Variants in ASB13 observed in about 807,000 individuals in gnomAD.
ASB13 encodes the protein ankyrin repeat and SOCS box containing 13.
ASB13 carries 33 observed loss-of-function variants against 28.8 expected under a neutral mutation model. That is an observed-to-expected ratio of 1.15 (90% CI 0.87 to 1.53). The LOEUF is 1.53. Ranked by LOEUF, ASB13 falls within the 40% of genes most tolerant of loss-of-function variation. The probability of loss-of-function intolerance (pLI) is 0.00; values close to 1 mark genes in which losing one functional copy is unlikely to be tolerated. For missense variants in ASB13, 414 were observed against 390.1 expected (o/e 1.06, Z -0.52); for synonymous variants, 182 against 172.9 (o/e 1.05, Z -0.41).
At chr10:5,657,210 G>A (rs1009354663) in intron 1 of ASB13, among the ~76,000 whole-genome samples, 3 of 152,090 alleles carry the variant, frequency 2.0e-5, no homozygotes, top group Admixed American at 6.6e-5. Context: ...AGAAACTTCC[G>A]TGCATCAAAG....
At position 5,641,978 on chromosome 10, in the gene ASB13, C is replaced by T; in HGVS notation, c.518-17G>A. On this transcript the variant is annotated splice_polypyrimidine_tract_variant and intron_variant, in intron 4 of 5. Transcript: ENST00000357700. The surrounding 1 kb of genome is among the most constrained non-coding windows in gnomAD (Gnocchi z 8.4). ...CGTTGGCCCCTGGAGGTCAAGAGTG[C>T]AGAAGAGATTTCACCAAGAAGAGAA... 6.3e-7 allele frequency: 1 copy of T among 1,590,478 alleles called. No homozygotes were observed. Among genetic ancestry groups the T allele is most frequent in the Non-Finnish European group, 8.6e-7 (1 of 1,160,424 alleles).
At chr10:5,653,176 A>G in intron 1 of ASB13, 126 bp from the exon 2 acceptor site, 1 of 1,044,694 alleles carries the variant, frequency 9.6e-7, no homozygotes, top group South Asian at 1.8e-5. Flanking sequence ...TTGTCCCAGC[A>G]CTTCTACAAA....
rs1322671777 is a variant in ASB13, at chr10:5,655,036, A to T, written c.44-1986T>A. ...AGAATCACTTGAACCCGGGAGGCGG[A>T]GGTTGCAGCGAGCCCAGATCACGCC... is the stretch of plus-strand genomic sequence containing the variant. On this transcript the variant is annotated intron_variant, in intron 1 of 5. Transcript: ENST00000357700. This position sits in a 1 kb window ranked among gnomAD's most constrained non-coding sequence, Gnocchi z 6.2. 6.6e-6 allele frequency among the ~76,000 whole-genome samples: 1 copy of T among 151,890 alleles called. No homozygotes were observed. Among genetic ancestry groups the T allele is most frequent in the Non-Finnish European group, 1.5e-5 (1 of 68,000 alleles).
Position 5,651,338 on chromosome 10 carries a change from C to T in ASB13, c.257G>A (p.Ser86Asn), listed in dbSNP as rs755307916. 3.1e-6 allele frequency: 5 copies of T among 1,611,570 alleles called. No individual in the cohort carries two copies. In the South Asian group the frequency reaches 5.5e-5, roughly 18 times the overall value. The stretch of plus-strand genomic sequence containing the variant: ...GGCGCAGGCATCGCAGAGCGGGGTG[C>T]TGCCGTCGATGTTGCGAGCATCCAC... Reference protein sequence around the residue: ...AQVDARNIDGSTPLCDACASG... With the variant: ...AQVDARNIDGNTPLCDACASG... The change falls in exon 3 of 6, where the codon AGC (serine) becomes AAC (asparagine). Residue 86 changes from serine to asparagine, a missense_variant. Ser to Asn is a conservative substitution (Grantham distance 46). Coordinates refer to ENST00000357700, the MANE Select transcript of ASB13 (RefSeq NM_024701.4). The surrounding 1 kb of genome is among the most constrained non-coding windows in gnomAD (Gnocchi z 5.1).
At position 5,650,798 on chromosome 10, in the gene ASB13, C is replaced by A. The variant is rs909774098; in HGVS notation, c.382+415G>T. Among the ~76,000 whole-genome samples the A allele has an allele frequency of 1.9e-4, 29 of 152,212 alleles. No individual in the cohort carries two copies. The highest frequency in any genetic ancestry group is 6.8e-4 in the African/African-American group (28 of 41,456). Reference sequence around the variant, plus strand: ...CTGCTCCCTGAGCCTGCAGGACCAGCACTGTTTTGAGAGCACCACGCACAG... The same window carrying A: ...CTGCTCCCTGAGCCTGCAGGACCAGAACTGTTTTGAGAGCACCACGCACAG... On this transcript the variant is annotated intron_variant, in intron 3 of 5. Transcript: ENST00000357700. This position sits in a 1 kb window ranked among gnomAD's most constrained non-coding sequence, Gnocchi z 6.0.
Position 5,652,750 on chromosome 10 carries a change from A to G in ASB13, c.231+113T>C. 9.1e-7 allele frequency: 1 copy of G among 1,103,512 alleles called. No individual in the cohort carries two copies. The highest frequency in any genetic ancestry group is 1.2e-6 in the Non-Finnish European group (1 of 814,126). The allele number at this position is 1,103,512 out of a possible 1,614,324, so 68.4% of individuals were successfully genotyped here. On this transcript the variant is annotated intron_variant, in intron 2 of 5. Coordinates refer to ENST00000357700, the MANE Select transcript of ASB13 (RefSeq NM_024701.4). This position sits in a 1 kb window ranked among gnomAD's most constrained non-coding sequence, Gnocchi z 5.0. ...CATGGGCTTCCTGGTACCTGTGTGC[A>G]GTGGACACAGTGCAGCCCCCATCCT...
intron 1 of ASB13, among the ~76,000 whole-genome samples, chr10:5,654,145 C>CTT (rs145949502): frequency 0.014 from 1,834 of 128,746 alleles, 62 homozygotes; most frequent in African/African-American, 0.04. Flanking sequence ...TTCTTTTTTT[C>CTT]TTTTTTTTTT....
rs1835117533 is a variant in ASB13, at chr10:5,659,146, C to T, written c.44-6096G>A. 6.6e-6 allele frequency among the ~76,000 whole-genome samples: 1 copy of T among 152,206 alleles called. No individual in the cohort carries two copies. The highest frequency in any genetic ancestry group is 1.5e-5 in the Non-Finnish European group (1 of 68,018). On this transcript the variant is annotated intron_variant, in intron 1 of 5. Transcript: ENST00000357700. The surrounding 1 kb of genome is among the most constrained non-coding windows in gnomAD (Gnocchi z 5.8). ...ATGGATTGCAGGCTGCTTCCAGCCC[C>T]TGTGCCAGGCTCCCTGTGGTGGCAA...
rs915115413 is a variant in ASB13, at chr10:5,656,200, G to T, written c.44-3150C>A. 1.3e-5 allele frequency among the ~76,000 whole-genome samples: 2 copies of T among 152,198 alleles called. No homozygotes were observed. The highest frequency in any genetic ancestry group is 4.8e-5 in the African/African-American group (2 of 41,446). On this transcript the variant is annotated intron_variant, in intron 1 of 5. Transcript: ENST00000357700. The surrounding 1 kb of genome is among the most constrained non-coding windows in gnomAD (Gnocchi z 4.3). Reference sequence around the variant, plus strand: ...ATGCTGGTATCCACGTGGTTGCTCAGTGAGTGAGTGGATGAGTAAATGAAT... The same window carrying T: ...ATGCTGGTATCCACGTGGTTGCTCATTGAGTGAGTGGATGAGTAAATGAAT...
Position 5,642,368 on chromosome 10 carries a change from C to G in ASB13, c.518-407G>C, listed in dbSNP as rs528151198. The G allele has an allele frequency of 7.0e-6, 4 of 572,342 alleles. No individual in the cohort carries two copies. The South Asian group carries it at 1.1e-4, about 16-fold the overall frequency. The allele number at this position is 572,342 out of a possible 1,614,324, so 35.5% of individuals were successfully genotyped here. A position where few individuals can be genotyped will look rare whatever the true frequency, so the allele number is the denominator to read the frequency against. ...CAGCACAGACACACACTGCTTCTTC[C>G]TCTTGCGGGCCCAGGACGGAGGCTC... On this transcript the variant is annotated intron_variant, in intron 4 of 5. Coordinates refer to ENST00000357700, the MANE Select transcript of ASB13 (RefSeq NM_024701.4). The surrounding 1 kb of genome is among the most constrained non-coding windows in gnomAD (Gnocchi z 4.1).
chr10:5,646,611 T>A (rs4747877), intron 4 of ASB13, among the ~76,000 whole-genome samples: 46,182 of 151,852 alleles, frequency 0.3, 7,708 homozygotes, highest in Middle Eastern at 0.48. Context: ...CCGCCCCTAA[T>A]CCTGCTCTGC....
Position 5,642,580 on chromosome 10 carries a change from A to AAAT in ASB13, c.518-620_518-619insATT. On this transcript the variant is annotated intron_variant, in intron 4 of 5. Coordinates refer to ENST00000357700, the MANE Select transcript of ASB13 (RefSeq NM_024701.4). This position sits in a 1 kb window ranked among gnomAD's most constrained non-coding sequence, Gnocchi z 4.1. ...TGATTAAAAGTAAAGGTAAAAAAAA[A>AAAT]TTTTTTTTTAAAAAAAAGAGCAGAC... 3 of 1,175,446 alleles carry AAAT rather than the reference A, an allele frequency of 2.6e-6. No homozygotes were observed. The highest frequency in any genetic ancestry group is 1.4e-5 in the South Asian group (1 of 70,356). The allele number at this position is 1,175,446 out of a possible 1,614,324, so 72.8% of individuals were successfully genotyped here.
At position 5,659,550 on chromosome 10, in the gene ASB13, C is replaced by T. The variant is rs1012814298; in HGVS notation, c.44-6500G>A. On this transcript the variant is annotated intron_variant, in intron 1 of 5. Coordinates refer to ENST00000357700, the MANE Select transcript of ASB13 (RefSeq NM_024701.4). This position sits in a 1 kb window ranked among gnomAD's most constrained non-coding sequence, Gnocchi z 5.8. ...CATGCTTTGCGTATGCTGTTCCTTC[C>T]CCTGCCTGGAAAGCTCTTCTCAGCC... 6.6e-6 allele frequency among the ~76,000 whole-genome samples: 1 copy of T among 152,190 alleles called. No homozygotes were observed. Among genetic ancestry groups the T allele is most frequent in the Non-Finnish European group, 1.5e-5 (1 of 68,032 alleles).
At chr10:5,665,817 G>T (rs188182796) in intron 1 of ASB13, among the ~76,000 whole-genome samples, 3 of 151,820 alleles carry the variant, frequency 2.0e-5, no homozygotes, top group East Asian at 1.9e-4. Context: ...TTCTTTTTAG[G>T]CTTTCATAGT....
chr10:5,649,146 G>A lies in ASB13; in HGVS notation c.383-42C>T, dbSNP rs574208734. 9.5e-4 allele frequency: 1,524 copies of A among 1,611,202 alleles called. 22 individuals carry two copies. The South Asian group carries it at 0.016, about 17-fold the overall frequency. On this transcript the variant is annotated intron_variant, in intron 3 of 5. Coordinates refer to ENST00000357700, the MANE Select transcript of ASB13 (RefSeq NM_024701.4). The surrounding 1 kb of genome is among the most constrained non-coding windows in gnomAD (Gnocchi z 6.4). Reference sequence around the variant, plus strand: ...AAGGGGGGGAATGTCCTTGAATACGGACACTGGAGACAACAAGCACACAGA... The same window carrying A: ...AAGGGGGGGAATGTCCTTGAATACGAACACTGGAGACAACAAGCACACAGA...
At position 5,644,805 on chromosome 10, in the gene ASB13, G is replaced by A. The variant is rs542917778; in HGVS notation, c.518-2844C>T. On this transcript the variant is annotated intron_variant, in intron 4 of 5. Transcript: ENST00000357700. The surrounding 1 kb of genome is among the most constrained non-coding windows in gnomAD (Gnocchi z 5.1). ...TGCACTCCAGCCTGGGTGACAGAAC[G>A]AGACTCCATCTCAGAAAAAAAAGAA... 3.3e-5 allele frequency among the ~76,000 whole-genome samples: 5 copies of A among 152,050 alleles called. No homozygotes were observed. The highest frequency in any genetic ancestry group is 2.0e-4 in the Admixed American group (3 of 15,278).
At chr10:5,665,678 A>G (rs1835247894) in intron 1 of ASB13, among the ~76,000 whole-genome samples, 1 of 152,198 alleles carries the variant, frequency 6.6e-6, no homozygotes, top group South Asian at 2.1e-4. Flanking sequence ...GTTATTTTGC[A>G]AAGTCAATTA....
In ASB13 at chr10:5,666,499, C is replaced by T. The variant is rs931027443; in HGVS notation, c.43+10G>A. The T allele has an allele frequency of 4.6e-6, 6 of 1,292,430 alleles. No homozygotes were observed. In the African/African-American group the frequency reaches 7.7e-5, roughly 17 times the overall value. 80.1% of individuals were successfully genotyped at this position (1,292,430 alleles called of 1,614,324 possible). A position where few individuals can be genotyped will look rare whatever the true frequency, so the allele number is the denominator to read the frequency against. ...TGCCTCGCTCTGACCTCCGCGGCGC[C>T]CGCACGTACCCACGTCGCCCAGGAA... is the stretch of plus-strand genomic sequence containing the variant. On this transcript the variant is annotated intron_variant, in intron 1 of 5. Transcript: ENST00000357700.
At position 5,641,836 on chromosome 10, in the gene ASB13, C is replaced by T. The variant is rs923057156; in HGVS notation, c.643G>A (p.Gly215Arg). Reference protein sequence around the residue: ...GGNIYARDNRGKKPSDYTWSS... With the variant: ...GGNIYARDNRRKKPSDYTWSS... ...CACGTGTAGTCAGACGGCTTCTTCC[C>T]GCGGTTGTCCCGGGCGTAGATGTTG... is the stretch of plus-strand genomic sequence containing the variant. The change falls in exon 5 of 6, where the codon GGG (glycine) becomes AGG (arginine). Residue 215 changes from glycine to arginine, a missense_variant. Coordinates refer to ENST00000357700, the MANE Select transcript of ASB13 (RefSeq NM_024701.4). The surrounding 1 kb of genome is among the most constrained non-coding windows in gnomAD (Gnocchi z 8.4). The T allele has an allele frequency of 1.4e-5, 22 of 1,613,310 alleles. No homozygotes were observed. Among genetic ancestry groups the T allele is most frequent in the Non-Finnish European group, 1.9e-5 (22 of 1,179,812 alleles).
Sources: allele counts gnomAD v4.1 joint callset (sites outside exome capture counted in the v4.1 genomes callset), GRCh38; gene constraint gnomAD v4.1.1; non-coding constraint Gnocchi (gnomAD v3.1); transcripts MANE v1.5; gene names NCBI Gene and HGNC (gene_info 2026-07-23, HGNC 2026-07-21).